The following RCL1 variants were observed in gnomAD, a reference collection of about 807,000 sequenced individuals.
The protein encoded by RCL1 is RNA 3'-terminal phosphate cyclase-like protein.
Under a neutral mutation model 42.4 loss-of-function variants are expected in RCL1, and 24 were observed. The observed-to-expected ratio is 0.57, with a 90% confidence interval of 0.41 to 0.80. The LOEUF (loss-of-function observed/expected upper bound fraction) is 0.80. RCL1 is among the 30% of genes least tolerant of loss of function. The pLI is 0.00. For synonymous variants in RCL1, 228 were observed against 177.3 expected, an observed-to-expected ratio of 1.29 and a Z score of -2.27; for missense variants, 578 against 467.9, an observed-to-expected ratio of 1.24 and a Z score of -2.17.
intron 1 of RCL1, among the ~76,000 whole-genome samples, chr9:4,816,668 A>G (rs1325846351): frequency 6.6e-6 from 1 of 152,218 alleles, no homozygotes; most frequent in Non-Finnish European, 1.5e-5. Context: ...TTTAAGAATA[A>G]CATACTTTCT....
In RCL1 at chr9:4,823,614, A is replaced by C; in HGVS notation, c.203A>C (p.Gln68Pro). 1 of 1,609,650 alleles carries C rather than the reference A, an allele frequency of 6.2e-7. No homozygotes were observed. Among genetic ancestry groups the C allele is most frequent in the South Asian group, 1.1e-5 (1 of 90,558 alleles). Residue 68 changes from glutamine (Q) to proline (P), a missense_variant, in exon 2 of 9, where the codon CAA (glutamine) becomes CCA (proline). Physicochemically the swap from Gln to Pro is moderately conservative, Grantham distance 76 (BLOSUM62 -1). Coordinates refer to ENST00000381750, the MANE Select transcript of RCL1 (RefSeq NM_005772.5). ...AATGGTTCTCGAATTGAAATAAACC[A>C]AACAGGTAAGCTCCTTTTAGATTCC... ...ITNGSRIEINQTGTTLYYQPG... is the reference protein window; with the variant it reads ...ITNGSRIEINPTGTTLYYQPG...
chr9:4,845,360 G>A lies in RCL1; in HGVS notation c.867+679G>A, dbSNP rs140605619. On this transcript the variant is annotated intron_variant, in intron 7 of 8. Transcript: ENST00000381750. ...ACCAGTTGTCATTTTGCTTCTGCAG[G>A]TCTGCTGGTGGGACACAGCTGAGAC... is the stretch of plus-strand genomic sequence containing the variant. 1.8e-3 allele frequency among the ~76,000 whole-genome samples: 279 copies of A among 152,332 alleles called. 1 individual carries two copies. Among genetic ancestry groups the A allele is most frequent in the Middle Eastern group, 6.8e-3 (2 of 294 alleles).
At chr9:4,819,128 A>G (rs975371159) in intron 1 of RCL1, among the ~76,000 whole-genome samples, 9 of 152,212 alleles carry the variant, frequency 5.9e-5, no homozygotes, top group African/African-American at 1.7e-4. Flanking sequence ...CAAAGGGAAT[A>G]AAAGGGTTTA....
At chr9:4,813,559 A>G (rs1404149738) in intron 1 of RCL1, among the ~76,000 whole-genome samples, 3 of 152,196 alleles carry the variant, frequency 2.0e-5, no homozygotes, top group African/African-American at 7.2e-5. Context: ...AGAGGATGTG[A>G]AGAAATAGGA....
chr9:4,841,497 G>A (rs1011315968), intron 6 of RCL1, 140 bp downstream of exon 6: 6 of 699,438 alleles, frequency 8.6e-6, no homozygotes, highest in African/African-American at 5.3e-5. Context: ...CCTTATTGCC[G>A]TTGTCACCAA....
Position 4,794,057 on chromosome 9 carries a change from C to G in RCL1, c.136+830C>G, listed in dbSNP as rs569826586. On this transcript the variant is annotated intron_variant, in intron 1 of 8. Transcript: ENST00000381750. ...ATGAGATACATGCATTTAAAAGCTT[C>G]TGACTGGTGGTTATCCCAAGTTGGG... Among the ~76,000 whole-genome samples the G allele has an allele frequency of 1.2e-4, 19 of 152,318 alleles. No homozygotes were observed. In the South Asian group the frequency reaches 3.5e-3, roughly 28 times the overall value.
intron 1 of RCL1, among the ~76,000 whole-genome samples, chr9:4,819,449 A>G (rs1816507245): frequency 6.6e-6 from 1 of 152,248 alleles, no homozygotes; most frequent in African/African-American, 2.4e-5. Flanking sequence ...ATAAGCAAAT[A>G]TATGTACATA....
intron 1 of RCL1, among the ~76,000 whole-genome samples, chr9:4,821,877 G>A (rs1471194130): frequency 2.0e-5 from 3 of 152,206 alleles, no homozygotes; most frequent in Admixed American, 6.5e-5. Context: ...GAGCCCTTGT[G>A]GCTTAATCAC....
chr9:4,840,898 A>G (rs1458591118), intron 5 of RCL1, among the ~76,000 whole-genome samples: 2 of 152,086 alleles, frequency 1.3e-5, no homozygotes, highest in Non-Finnish European at 2.9e-5. Flanking sequence ...AGCCTGGATC[A>G]TGACCCGCAG....
At chr9:4,838,465 T>G (rs1817210180) in intron 5 of RCL1, among the ~76,000 whole-genome samples, 1 of 152,222 alleles carries the variant, frequency 6.6e-6, no homozygotes, top group South Asian at 2.1e-4. Context: ...TACATGAGAA[T>G]TAAGTGAAAA....
At chr9:4,835,028 G>C (rs1375910253) in intron 5 of RCL1, among the ~76,000 whole-genome samples, 1 of 152,214 alleles carries the variant, frequency 6.6e-6, no homozygotes, top group Non-Finnish European at 1.5e-5. Context: ...GAGCAAGAAA[G>C]GAGGAGGGCT....
intron 8 of RCL1, chr9:4,850,491 TTC>T: frequency 1.5e-4 from 22 of 146,516 alleles, no homozygotes; most frequent in South Asian, 4.7e-4. Context: ...GCTTTTTTTT[TTC>T]TTTTTTTTTT....
At chr9:4,805,071 G>C (rs1843078588) in intron 1 of RCL1, 1 of 152,352 alleles carries the variant, frequency 6.6e-6, no homozygotes, top group Admixed American at 6.5e-5. Flanking sequence ...TTAATGTGGG[G>C]CCCTGAAGGC....
intron 5 of RCL1, 88 bp downstream of exon 5, chr9:4,834,353 G>A (rs965946353): frequency 5.0e-5 from 72 of 1,436,980 alleles, no homozygotes; most frequent in African/African-American, 4.3e-4. Flanking sequence ...ACTTCTTCCC[G>A]AGGTTATTTA....
At chr9:4,837,250 A>G (rs1331213460) in intron 5 of RCL1, among the ~76,000 whole-genome samples, 4 of 152,080 alleles carry the variant, frequency 2.6e-5, no homozygotes, top group Non-Finnish European at 5.9e-5. Context: ...CCAAAATCAA[A>G]TCCTGTTGAT....
At chr9:4,820,986 T>C (rs1192572849) in intron 1 of RCL1, among the ~76,000 whole-genome samples, 1 of 152,182 alleles carries the variant, frequency 6.6e-6, no homozygotes, top group East Asian at 1.9e-4. Flanking sequence ...TTAATGTTGA[T>C]TAGAGATCCA....
intron 1 of RCL1, among the ~76,000 whole-genome samples, chr9:4,806,434 G>T (rs1033739833): frequency 1.3e-5 from 2 of 152,212 alleles, no homozygotes; most frequent in East Asian, 3.9e-4. Flanking sequence ...TTTAAACAAT[G>T]AATGAGTGTT....
At chr9:4,795,304 A>G (rs2130958850) in intron 1 of RCL1, among the ~76,000 whole-genome samples, 1 of 152,144 alleles carries the variant, frequency 6.6e-6, no homozygotes, top group Middle Eastern at 3.4e-3. Context: ...GGCTGTATGA[A>G]ACTGCTGACC....
rs114500329 is a variant in RCL1, at chr9:4,841,290, A to G, written c.643A>G (p.Ile215Val). 212 of 1,613,148 alleles carry G rather than the reference A, an allele frequency of 1.3e-4. 1 individual carries two copies. The highest frequency in any genetic ancestry group is 1.2e-3 in the East Asian group (54 of 44,882). ...ANRIVDSARSILNKFIPDIYI... is the reference protein window; with the variant it reads ...ANRIVDSARSVLNKFIPDIYI... Reference sequence around the variant, plus strand: ...CCGGATTGTGGATTCTGCAAGGAGCATCCTCAACAAGTTCATACCTGATAT... The same window carrying G: ...CCGGATTGTGGATTCTGCAAGGAGCGTCCTCAACAAGTTCATACCTGATAT... The change falls in exon 6 of 9, where the codon ATC becomes GTC. Residue 215 changes from isoleucine (I) to valine (V), a missense_variant. By Grantham distance (29) the Ile-to-Val change is conservative (BLOSUM62 3). Transcript: ENST00000381750.
Sources: allele counts gnomAD v4.1 joint callset (sites outside exome capture counted in the v4.1 genomes callset), GRCh38; gene constraint gnomAD v4.1.1; transcripts MANE v1.5; gene names NCBI Gene and HGNC (gene_info 2026-07-23, HGNC 2026-07-21).